Variants in FOXN3 observed in about 807,000 individuals in gnomAD.
The protein encoded by FOXN3 is forkhead box protein N3.
Under a neutral mutation model 38.4 loss-of-function variants are expected in FOXN3, and 7 were observed. The ratio of observed to expected loss-of-function variants is 0.18; its 90% CI spans 0.10 to 0.34. The LOEUF is 0.34. Among genes scored for constraint, FOXN3 ranks in the 10% least tolerant of loss-of-function variants. FOXN3 has a pLI of 1.00. For missense variants in FOXN3, 456 were observed against 613.4 expected, an observed-to-expected ratio of 0.74 and a Z score of 2.71; for synonymous variants, 230 against 242.2, an observed-to-expected ratio of 0.95 and a Z score of 0.47.
intron 3 of FOXN3, among the ~76,000 whole-genome samples, chr14:89,308,438 A>G (rs1887440132): frequency 6.6e-6 from 1 of 152,206 alleles, no homozygotes; most frequent in South Asian, 2.1e-4. Context: ...TGTGGCCACT[A>G]TGGGTCTCCA....
chr14:89,434,481 C>T (rs1376083353), intron 1 of FOXN3, among the ~76,000 whole-genome samples: 2 of 152,018 alleles, frequency 1.3e-5, no homozygotes, highest in East Asian at 1.9e-4. Context: ...CCACCTGCCT[C>T]GGACTCTCAA....
At chr14:89,295,577 AT>A (rs931394499) in intron 3 of FOXN3, among the ~76,000 whole-genome samples, 15 of 149,550 alleles carry the variant, frequency 1.0e-4, no homozygotes, top group South Asian at 2.1e-4. Context: ...AACACTAAGG[AT>A]TTTTTTTTTC....
chr14:89,276,225 G>T (rs1473994084), intron 4 of FOXN3, among the ~76,000 whole-genome samples: 1 of 152,156 alleles, frequency 6.6e-6, no homozygotes, highest in Non-Finnish European at 1.5e-5. Context: ...GTTGCAGTGA[G>T]CCAAGATCAC....
chr14:89,434,922 A>T (rs1892244038), intron 1 of FOXN3, among the ~76,000 whole-genome samples: 1 of 152,228 alleles, frequency 6.6e-6, no homozygotes, highest in Non-Finnish European at 1.5e-5. Context: ...ACTACTTTCC[A>T]AAAGCTGTAT....
intron 1 of FOXN3, among the ~76,000 whole-genome samples, chr14:89,546,405 C>A (rs1894886364): frequency 7.9e-6 from 1 of 127,206 alleles, no homozygotes; most frequent in Admixed American, 9.9e-5. Flanking sequence ...TCTCGGCTCG[C>A]TGCAAGCTCC....
intron 1 of FOXN3, among the ~76,000 whole-genome samples, chr14:89,508,647 C>T (rs993507058): frequency 5.3e-5 from 8 of 152,152 alleles, no homozygotes; most frequent in Non-Finnish European, 1.0e-4. Flanking sequence ...TTTGAGCAGC[C>T]CCCAGGGCTT....
chr14:89,278,726 C>T (rs892597630), intron 4 of FOXN3, among the ~76,000 whole-genome samples: 2 of 152,166 alleles, frequency 1.3e-5, no homozygotes, highest in Admixed American at 1.3e-4. Flanking sequence ...AACAGAGTTC[C>T]CTACTCGTCT....
At chr14:89,165,730 C>T (rs112892665) in intron 5 of FOXN3, among the ~76,000 whole-genome samples, 1 of 152,188 alleles carries the variant, frequency 6.6e-6, no homozygotes, top group Non-Finnish European at 1.5e-5. Flanking sequence ...GTTATTAGAG[C>T]AAACGAAAAT....
rs1295029 is a variant in FOXN3, at chr14:89,415,631, A to C, written c.-15+1240T>G. On this transcript the variant is annotated intron_variant, in intron 1 of 5. Transcript: ENST00000557258. The stretch of plus-strand genomic sequence containing the variant: ...AAAAAAAAAAAAAAAAAAAAAAAAA[A>C]CAGTTCCCAGAAACCACAGCTGAGG... Among the ~76,000 whole-genome samples the C allele has an allele frequency of 1.8e-4, 23 of 126,318 alleles. No individual in the cohort carries two copies. In the South Asian group the frequency reaches 5.3e-3, roughly 29 times the overall value. 82.9% of individuals were successfully genotyped at this position (126,318 alleles called of 152,430 possible). A position where few individuals can be genotyped will look rare whatever the true frequency, so the allele number is the denominator to read the frequency against.
chr14:89,564,027 AT>A, intron 1 of FOXN3, among the ~76,000 whole-genome samples: 1 of 151,850 alleles, frequency 6.6e-6, no homozygotes. Flanking sequence ...ATTTGTTTGT[AT>A]TTTTTTAGTA....
chr14:89,424,714 A>C (rs1891986427), intron 1 of FOXN3, among the ~76,000 whole-genome samples: 1 of 109,070 alleles, frequency 9.2e-6, no homozygotes, highest in African/African-American at 4.1e-5. Flanking sequence ...ATGACTCTAC[A>C]AAAAAAAAAA....
intron 1 of FOXN3, among the ~76,000 whole-genome samples, chr14:89,426,215 AT>A (rs33964198): frequency 0.24 from 18,698 of 76,488 alleles, 1,387 homozygotes; most frequent in East Asian, 0.34. Context: ...AGGAGTACTG[AT>A]TTTTTTTTTT....
intron 3 of FOXN3, among the ~76,000 whole-genome samples, chr14:89,348,600 G>T (rs550107694): frequency 1.3e-5 from 2 of 152,070 alleles, no homozygotes; most frequent in Non-Finnish European, 2.9e-5. Context: ...TCCCTCCACC[G>T]CCAGTGACCT....
At chr14:89,423,285 G>T (rs910653585) in intron 1 of FOXN3, among the ~76,000 whole-genome samples, 2 of 152,176 alleles carry the variant, frequency 1.3e-5, no homozygotes, top group Non-Finnish European at 2.9e-5. Flanking sequence ...CCTCAGTCAA[G>T]GTTCTTAACT....
At chr14:89,496,911 G>A (rs994202376) in intron 1 of FOXN3, among the ~76,000 whole-genome samples, 2 of 152,164 alleles carry the variant, frequency 1.3e-5, no homozygotes, top group Middle Eastern at 3.2e-3. Flanking sequence ...ATTTCACTCA[G>A]TGTAATGTCC....
intron 4 of FOXN3, among the ~76,000 whole-genome samples, chr14:89,223,740 G>A: frequency 6.6e-6 from 1 of 152,202 alleles, no homozygotes; most frequent in East Asian, 1.9e-4. Flanking sequence ...GTGGAAGTCA[G>A]GGGGAGAGGC....
At chr14:89,380,608 C>G (rs529981158) in intron 2 of FOXN3, among the ~76,000 whole-genome samples, 1 of 152,356 alleles carries the variant, frequency 6.6e-6, no homozygotes, top group South Asian at 2.1e-4. Flanking sequence ...TGGAACCACA[C>G]CCCTTATAAG....
At chr14:89,430,482 T>G (rs571263101) in intron 1 of FOXN3, among the ~76,000 whole-genome samples, 1 of 152,360 alleles carries the variant, frequency 6.6e-6, no homozygotes, top group East Asian at 1.9e-4. Flanking sequence ...GTTTCCTGTT[T>G]AATATTAAAT....
Position 89,207,819 on chromosome 14 carries a change from C to A in FOXN3, c.746-27013G>T, listed in dbSNP as rs150210616. 8.3e-3 allele frequency among the ~76,000 whole-genome samples: 1,271 copies of A among 152,312 alleles called. 6 individuals are homozygous for A. Among genetic ancestry groups the A allele is most frequent in the Middle Eastern group, 0.014 (4 of 294 alleles). On this transcript the variant is annotated intron_variant, in intron 4 of 5. Transcript: ENST00000557258. Reference sequence around the variant, plus strand: ...CAGGTGACACTGTGCTCCAAGAATGCCATCAGGGAAGACAGGCTAGGTCTA... The same window carrying A: ...CAGGTGACACTGTGCTCCAAGAATGACATCAGGGAAGACAGGCTAGGTCTA...
Sources: allele counts gnomAD v4.1 joint callset (sites outside exome capture counted in the v4.1 genomes callset), GRCh38; gene constraint gnomAD v4.1.1; transcripts MANE v1.5; gene names NCBI Gene and HGNC (gene_info 2026-07-23, HGNC 2026-07-21).